Variants in EPHB4 observed in about 807,000 individuals in gnomAD.
The protein encoded by EPHB4 is EPH receptor B4.
A neutral mutation model predicts 110.6 loss-of-function variants in EPHB4; 50 were observed. The ratio of observed to expected loss-of-function variants is 0.45; its 90% CI spans 0.36 to 0.57. The LOEUF (loss-of-function observed/expected upper bound fraction) is 0.57. Among genes scored for constraint, EPHB4 ranks in the 20% least tolerant of loss-of-function variants. The probability of loss-of-function intolerance (pLI) is 0.00; values close to 1 mark genes in which losing one functional copy is unlikely to be tolerated. For synonymous variants in EPHB4, 592 were observed against 578.4 expected (o/e 1.02, Z -0.34); for missense variants, 1,128 against 1,382.1 (o/e 0.82, Z 2.91).
chr7:100,815,043 G>A (rs991061368), intron 8 of EPHB4, among the ~76,000 whole-genome samples: 1 of 151,268 alleles, frequency 6.6e-6, no homozygotes, highest in African/African-American at 2.4e-5. Context: ...AACAGGCCAG[G>A]TCCAGTGGCT....
chr7:100,812,202 T>TA (rs200595002), intron 12 of EPHB4, among the ~76,000 whole-genome samples: 3,133 of 140,970 alleles, frequency 0.022, 78 homozygotes, highest in African/African-American at 0.067. Context: ...AAAACAAAAT[T>TA]AAAAAAAAAA....
At chr7:100,820,465 C>CAAAAAAAAAAAA (rs11447690) in intron 4 of EPHB4, 169 bp from the exon 5 acceptor site, 1 of 312,812 alleles carries the variant, frequency 3.2e-6, no homozygotes, top group Non-Finnish European at 5.1e-6. Context: ...ATCCCATCTC[C>CAAAAAAAAAAAA]AAAAAAAAAA....
intron 8 of EPHB4, among the ~76,000 whole-genome samples, chr7:100,815,175 T>A (rs1191511131): frequency 6.6e-6 from 1 of 151,538 alleles, no homozygotes; most frequent in Non-Finnish European, 1.5e-5. Context: ...CAAAAAAAAT[T>A]AGCTGGGCAT....
chr7:100,809,974 C>T (rs1483553270), intron 12 of EPHB4, among the ~76,000 whole-genome samples: 1 of 152,224 alleles, frequency 6.6e-6, no homozygotes, highest in South Asian at 2.1e-4. Context: ...ATTAGCCGGG[C>T]ATAGTGGCTC....
Position 100,807,346 on chromosome 7 carries a change from G to C in EPHB4, c.2334+19C>G. On this transcript the variant is annotated intron_variant, in intron 13 of 16. Transcript: ENST00000358173. ...CCTGGCCCTAAGAAGCTCACACCCA[G>C]TATTACCCCCAGCATTACCAGGGAG... 1 of 1,611,860 alleles carries C rather than the reference G, an allele frequency of 6.2e-7. No homozygotes were observed. Among genetic ancestry groups the C allele is most frequent in the East Asian group, 2.2e-5 (1 of 44,844 alleles).
chr7:100,804,715 C>T (rs1812777339), intron 16 of EPHB4, among the ~76,000 whole-genome samples: 2 of 152,006 alleles, frequency 1.3e-5, no homozygotes, highest in African/African-American at 4.8e-5. Flanking sequence ...CAGACAAAGG[C>T]CAAGTGGGGA....
At chr7:100,810,962 T>C (rs1268385975) in intron 12 of EPHB4, among the ~76,000 whole-genome samples, 1 of 151,606 alleles carries the variant, frequency 6.6e-6, no homozygotes, top group Non-Finnish European at 1.5e-5. Context: ...TTTAAAAAGA[T>C]GCCTAGGCCA....
chr7:100,826,948 G>A (rs765129257), intron 1 of EPHB4, 31 bp downstream of exon 1: 12 of 1,523,392 alleles, frequency 7.9e-6, no homozygotes, highest in Middle Eastern at 1.7e-4. Context: ...CAGGAGTGAC[G>A]GGGTGCGCCC....
chr7:100,806,752 A>T (rs2116417470), intron 13 of EPHB4, among the ~76,000 whole-genome samples, 183 bp from the exon 14 acceptor site: 1 of 151,214 alleles, frequency 6.6e-6, no homozygotes, highest in Middle Eastern at 3.4e-3. Flanking sequence ...GCTCACTGAA[A>T]CTCCGCCTCC....
chr7:100,819,966 G>A (rs1813179191), intron 5 of EPHB4, 77 bp from the exon 6 acceptor site: 2 of 1,476,800 alleles, frequency 1.4e-6, no homozygotes, highest in South Asian at 1.3e-5. Flanking sequence ...GGCACCAGCA[G>A]CCATGCTGGA....
Position 100,803,460 on chromosome 7 carries a change from G to A in EPHB4, c.*1C>T, listed in dbSNP as rs754162681. 1.3e-5 allele frequency: 20 copies of A among 1,561,404 alleles called. 1 individual carries two copies. The Admixed American group carries it at 3.4e-4, about 26-fold the overall frequency. On this transcript the variant is annotated 3_prime_UTR_variant, in exon 17 of 17. Coordinates refer to ENST00000358173, the MANE Select transcript of EPHB4 (RefSeq NM_004444.5). ...TCCCTGGGGTGGGGAGTTCCTGCAG[G>A]TCAGTACTGCGGGGCCGGTCCTCCT...
Position 100,822,612 on chromosome 7 carries a change from G to A in EPHB4, c.467C>T (p.Thr156Ile). Reference protein sequence around the residue: ...LTRKRPGAEATGKVNVKTLRL... With the variant: ...LTRKRPGAEAIGKVNVKTLRL... ...CAGCGTCTTGACATTCACCTTCCCGGTGGCCTCGGCCCCAGGGCGCTTCCG... is the reference window on the plus strand; with the variant it reads ...CAGCGTCTTGACATTCACCTTCCCGATGGCCTCGGCCCCAGGGCGCTTCCG... The change falls in exon 4 of 17, where the codon ACC (threonine) becomes ATC (isoleucine). Residue 156 changes from threonine to isoleucine, a missense_variant. Around this residue, in one of 3 missense-constraint regions of EPHB4, gnomAD observed 728 missense variants for 828.6 expected, o/e 0.88. Coordinates refer to ENST00000358173, the MANE Select transcript of EPHB4 (RefSeq NM_004444.5). This position sits in a 1 kb window ranked among gnomAD's most constrained non-coding sequence, Gnocchi z 4.7. 3 of 1,604,774 alleles carry A rather than the reference G, an allele frequency of 1.9e-6. No individual in the cohort carries two copies. Among genetic ancestry groups the A allele is most frequent in the Non-Finnish European group, 2.6e-6 (3 of 1,174,214 alleles).
chr7:100,810,853 A>C (rs1355029500), intron 12 of EPHB4, among the ~76,000 whole-genome samples: 3 of 152,212 alleles, frequency 2.0e-5, no homozygotes, highest in Non-Finnish European at 2.9e-5. Context: ...ACAACTAGAG[A>C]AACGTGAAAA....
chr7:100,823,496 C>A (rs1813291386), intron 3 of EPHB4, 148 bp downstream of exon 3: 3 of 1,097,598 alleles, frequency 2.7e-6, no homozygotes, highest in Admixed American at 5.6e-5. Context: ...AGATCACCCC[C>A]TTCCCTCCCC....
At chr7:100,825,481 G>C (rs1813358292) in intron 1 of EPHB4, 1 of 152,426 alleles carries the variant, frequency 6.6e-6, no homozygotes, top group African/African-American at 2.4e-5. Context: ...CTCCCTTTCT[G>C]CGTCCCAGCT....
chr7:100,820,502 T>G, intron 4 of EPHB4: 1 of 489,602 alleles, frequency 2.0e-6, no homozygotes, highest in Non-Finnish European at 3.4e-6. Context: ...CTTTTAAGGC[T>G]GATGAAGTGC....
chr7:100,803,302 G>T lies in EPHB4; in HGVS notation c.*159C>A. 1.1e-6 allele frequency: 1 copy of T among 916,768 alleles called. No homozygotes were observed. The highest frequency in any genetic ancestry group is 1.5e-6 in the Non-Finnish European group (1 of 670,320). 56.8% of individuals were successfully genotyped at this position (916,768 alleles called of 1,614,324 possible). A position where few individuals can be genotyped will look rare whatever the true frequency, so the allele number is the denominator to read the frequency against. On this transcript the variant is annotated 3_prime_UTR_variant, in exon 17 of 17. Transcript: ENST00000358173. ...GGGGGTGATTTTCCCCTCCTATTAT[G>T]GCAGAACCCCCAAATCCTGTCTCTC...
chr7:100,807,648 C>G (rs1203891767), intron 12 of EPHB4, 68 bp from the exon 13 acceptor site: 3 of 1,210,144 alleles, frequency 2.5e-6, no homozygotes, highest in Non-Finnish European at 3.4e-6. Context: ...CCATCCACAT[C>G]TTTTTTTTTT....
In EPHB4 at chr7:100,820,268, CAG is replaced by C. The variant is rs1813191696; in HGVS notation, c.835_836del (p.Leu279ValfsTer13). ...RACAQGTFKPLSGEGSCQPCP... is the reference protein window; with the variant it reads ...RACAQGTFKPXSGEGSCQPCP... Reference sequence around the variant, plus strand: ...ATGGCTGGCAGGACCCTTCTCCTGACAGGGGCTTGAAGGTGCCCTGGGCACAG... The same window carrying C: ...ATGGCTGGCAGGACCCTTCTCCTGACGGGCTTGAAGGTGCCCTGGGCACAG... On this transcript the variant is annotated frameshift_variant, in exon 5 of 17. Coordinates refer to ENST00000358173, the MANE Select transcript of EPHB4 (RefSeq NM_004444.5). LOFTEE classifies it high-confidence loss of function. 6.2e-7 allele frequency: 1 copy of C among 1,613,834 alleles called. No homozygotes were observed. The highest frequency in any genetic ancestry group is 1.7e-5 in the Admixed American group (1 of 59,990).
Sources: gnomAD v4.1 joint callset for allele counts (sites outside exome capture counted in the v4.1 genomes callset) on GRCh38, gnomAD v4.1.1 for gene constraint, gnomAD v4.1.1 regional missense constraint, Gnocchi (gnomAD v3.1) non-coding constraint, MANE v1.5 for transcripts, NCBI Gene and HGNC (gene_info 2026-07-23, HGNC 2026-07-21) for gene names.